FLAD1: variants seen among roughly 807,000 people sequenced by gnomAD.
The protein encoded by FLAD1 is flavin adenine dinucleotide synthetase 1.
A neutral mutation model predicts 55.0 loss-of-function variants in FLAD1; 35 were observed. The observed-to-expected ratio is 0.64, with a 90% CI of 0.49 to 0.84. The LOEUF is 0.84. FLAD1 is among the 40% of genes least tolerant of loss of function. FLAD1 has a pLI of 0.00. For missense variants in FLAD1, 665 were observed against 742.6 expected, an observed-to-expected ratio of 0.90 and a Z score of 1.21; for synonymous variants, 267 against 303.0, an observed-to-expected ratio of 0.88 and a Z score of 1.23.
Position 154,989,689 on chromosome 1 carries a change from T to C in FLAD1, c.1247T>C (p.Phe416Ser). The stretch of plus-strand genomic sequence containing the variant: ...GACTGCACTGCCCTCCTGCACCTCT[T>C]CCATGCAGCTGTGCAGAGGTGAGCC... ...GKDCTALLHL[F>S]HAAVQRKLPD... The change falls in exon 3 of 7, where the codon TTC (phenylalanine) becomes TCC (serine). Residue 416 changes from phenylalanine to serine, a missense_variant. By Grantham distance (155) the Phe-to-Ser change is radical. Coordinates refer to ENST00000292180, the MANE Select transcript of FLAD1 (RefSeq NM_025207.5). 6.4e-7 allele frequency: 1 copy of C among 1,560,450 alleles called. No homozygotes were observed. Among genetic ancestry groups the C allele is most frequent in the Non-Finnish European group, 8.7e-7 (1 of 1,150,986 alleles).
chr1:154,991,909 G>A (rs563653272), intron 5 of FLAD1, among the ~76,000 whole-genome samples: 56 of 151,928 alleles, frequency 3.7e-4, no homozygotes, highest in African/African-American at 1.1e-3. Flanking sequence ...TTGGGAGGCC[G>A]AGGCAGGCAC....
At chr1:154,984,536 C>T (rs1447321141) in intron 1 of FLAD1, among the ~76,000 whole-genome samples, 2 of 151,770 alleles carry the variant, frequency 1.3e-5, no homozygotes, top group African/African-American at 4.8e-5. Flanking sequence ...TGGAGAAACC[C>T]CATCTCTACT....
At chr1:154,985,682 C>T (rs975615845) in intron 1 of FLAD1, among the ~76,000 whole-genome samples, 1 of 146,820 alleles carries the variant, frequency 6.8e-6, no homozygotes, top group Non-Finnish European at 1.5e-5. Flanking sequence ...GTTGGGATTA[C>T]AGGCGTGAGC....
At chr1:154,986,493 G>A (rs1464768302) in intron 1 of FLAD1, among the ~76,000 whole-genome samples, 2 of 152,156 alleles carry the variant, frequency 1.3e-5, no homozygotes, top group African/African-American at 2.4e-5. Context: ...TCACATATAT[G>A]TGATTTTACT....
At chr1:154,987,800 T>TA (rs1247409088) in intron 1 of FLAD1, 1 of 583,180 alleles carries the variant, frequency 1.7e-6, no homozygotes, top group East Asian at 3.1e-5. Context: ...GAGCTGAATG[T>TA]GGTGGCACGC....
rs1466499505 is a variant in FLAD1, at chr1:154,983,436, G to T, written c.-259G>T. On this transcript the variant is annotated 5_prime_UTR_variant, in exon 1 of 7. Transcript: ENST00000292180. ...AGGGCTCAGTAATCTGAAGCTTGGT[G>T]GGAAGAAGGGATTCTGGGCTAGAAA... 2.6e-5 allele frequency: 10 copies of T among 384,144 alleles called. No homozygotes were observed. The highest frequency in any genetic ancestry group is 4.7e-5 in the Non-Finnish European group (10 of 211,848). 23.8% of individuals were successfully genotyped at this position (384,144 alleles called of 1,614,324 possible). A position where few individuals can be genotyped will look rare whatever the true frequency, so the allele number is the denominator to read the frequency against.
At chr1:154,986,703 C>A (rs1274959567) in intron 1 of FLAD1, among the ~76,000 whole-genome samples, 1 of 109,744 alleles carries the variant, frequency 9.1e-6, no homozygotes, top group South Asian at 2.7e-4. Context: ...AGCCCCCCAC[C>A]CTTTTTTTTT....
Position 154,992,758 on chromosome 1 carries a change from G to T in FLAD1, c.1600G>T (p.Val534Phe), listed in dbSNP as rs764650949. Reference protein sequence around the residue: ...DIWDFLRQLFVPYCILYDRGY... With the variant: ...DIWDFLRQLFFPYCILYDRGY... ...CTGGGATTTTCTGCGTCAGCTGTTTGTCCCATACTGTATCCTGTATGACCG... is the reference window on the plus strand; with the variant it reads ...CTGGGATTTTCTGCGTCAGCTGTTTTTCCCATACTGTATCCTGTATGACCG... The change falls in exon 6 of 7, where the codon GTC becomes TTC. Residue 534 changes from valine to phenylalanine, a missense_variant. Physicochemically the swap from Val to Phe is conservative, Grantham distance 50. Transcript: ENST00000292180. The T allele has an allele frequency of 6.2e-6, 10 of 1,614,020 alleles. No individual in the cohort carries two copies. Among genetic ancestry groups the T allele is most frequent in the African/African-American group, 1.3e-5 (1 of 74,896 alleles).
intron 1 of FLAD1, among the ~76,000 whole-genome samples, chr1:154,986,704 CT>C (rs776649473): frequency 0.017 from 1,577 of 91,710 alleles, 5 homozygotes; most frequent in African/African-American, 0.041. Flanking sequence ...GCCCCCCACC[CT>C]TTTTTTTTTT....
At chr1:154,990,130 C>T (rs549926428) in intron 3 of FLAD1, 29 bp from the exon 4 acceptor site, 11 of 1,570,654 alleles carry the variant, frequency 7.0e-6, no homozygotes, top group South Asian at 6.7e-5. Context: ...TCCATGCTCA[C>T]AAGCCTGTGG....
intron 1 of FLAD1, among the ~76,000 whole-genome samples, chr1:154,986,491 A>G (rs770589639): frequency 2.0e-4 from 31 of 152,168 alleles, no homozygotes; most frequent in Non-Finnish European, 1.5e-4. Flanking sequence ...CATCACATAT[A>G]TGTGATTTTA....
chr1:154,983,781 C>T lies in FLAD1; in HGVS notation c.87C>T (p.Val29=), dbSNP rs2102235659. ...LSRIWLEKTR[V]FLEGSTRTPA... The stretch of plus-strand genomic sequence containing the variant: ...GGATCTGGTTAGAGAAGACTAGGGT[C>T]TTCCTCGAAGGAAGCACGCGCACGC... Residue 29 remains valine (V), a synonymous_variant, in exon 1 of 7, where the codon GTC becomes GTT. Coordinates refer to ENST00000292180, the MANE Select transcript of FLAD1 (RefSeq NM_025207.5). 6.2e-7 allele frequency: 1 copy of T among 1,614,206 alleles called. No homozygotes were observed. Among genetic ancestry groups the T allele is most frequent in the Non-Finnish European group, 8.5e-7 (1 of 1,180,028 alleles).
rs773063030 is a variant in FLAD1 at position 154,983,746 on chromosome 1, C to T, written c.52C>T (p.Arg18Cys). Residue 18 changes from arginine to cysteine, a missense_variant, in exon 1 of 7, where the codon CGC (arginine) becomes TGC (cysteine). Arg to Cys is a radical substitution (Grantham distance 180). Coordinates refer to ENST00000292180, the MANE Select transcript of FLAD1 (RefSeq NM_025207.5). ...ATTCCAGAGGCAGGAACAAAGGAGT[C>T]GCTTGTCAAGGATCTGGTTAGAGAA... Reference protein sequence around the residue: ...RLFQRQEQRSRLSRIWLEKTR... With the variant: ...RLFQRQEQRSCLSRIWLEKTR... 1 of 1,613,994 alleles carries T rather than the reference C, an allele frequency of 6.2e-7. No individual in the cohort carries two copies. The highest frequency in any genetic ancestry group is 1.7e-5 in the Admixed American group (1 of 59,996).
chr1:154,992,841 G>C, intron 6 of FLAD1, 55 bp downstream of exon 6: 1 of 1,613,884 alleles, frequency 6.2e-7, no homozygotes, highest in East Asian at 2.2e-5. Context: ...TGCTGGGATA[G>C]GGAGGGCCAA....
intron 2 of FLAD1, chr1:154,989,065 A>G (rs1657749855): frequency 1.9e-5 from 23 of 1,181,730 alleles, no homozygotes; most frequent in Admixed American, 2.8e-5. Context: ...AGGATAATGT[A>G]TGCCCTGCTC....
At position 154,992,753 on chromosome 1, in the gene FLAD1, T is replaced by TG; in HGVS notation, c.1596dup (p.Phe533ValfsTer9). The TG allele has an allele frequency of 6.2e-7, 1 of 1,614,110 alleles. No individual in the cohort carries two copies. The highest frequency in any genetic ancestry group is 8.5e-7 in the Non-Finnish European group (1 of 1,180,008). On this transcript the variant is annotated frameshift_variant, in exon 6 of 7. Transcript: ENST00000292180. LOFTEE classifies it high-confidence loss of function. ...GACATCTGGGATTTTCTGCGTCAGCTGTTTGTCCCATACTGTATCCTGTAT... is the reference window on the plus strand; with the variant it reads ...GACATCTGGGATTTTCTGCGTCAGCTGGTTTGTCCCATACTGTATCCTGTAT...
chr1:154,984,683 G>A (rs1022258682), intron 1 of FLAD1, among the ~76,000 whole-genome samples: 5 of 149,204 alleles, frequency 3.4e-5, no homozygotes, highest in Non-Finnish European at 7.4e-5. Context: ...ACTCCAGCCT[G>A]GGCAACAAGA....
chr1:154,991,223 A>ATATATATATAT (rs58377614), intron 5 of FLAD1: 1 of 116,096 alleles, frequency 8.6e-6, no homozygotes, highest in African/African-American at 3.7e-5. Flanking sequence ...AAAAAAAAAA[A>ATATATATATAT]AAATATATAT....
chr1:154,986,057 G>C (rs1657588396), intron 1 of FLAD1, among the ~76,000 whole-genome samples: 1 of 148,070 alleles, frequency 6.8e-6, no homozygotes, highest in African/African-American at 2.5e-5. Flanking sequence ...GTGTGTGTGT[G>C]ACGGAGTTTC....
Sources: allele counts gnomAD v4.1 joint callset (sites outside exome capture counted in the v4.1 genomes callset), GRCh38; gene constraint gnomAD v4.1.1; transcripts MANE v1.5; gene names NCBI Gene and HGNC (gene_info 2026-07-23, HGNC 2026-07-21).